Variants in PTPRN2 observed in about 807,000 individuals in gnomAD.
The protein encoded by PTPRN2 is protein tyrosine phosphatase receptor type N2, also known as receptor-type tyrosine-protein phosphatase N2.
Under a neutral mutation model 118.8 loss-of-function variants are expected in PTPRN2, and 74 were observed. That is an observed-to-expected ratio of 0.62 (90% CI 0.52 to 0.76). The LOEUF is 0.76. Among genes scored for constraint, PTPRN2 ranks in the 30% least tolerant of loss-of-function variants. The probability of loss-of-function intolerance (pLI) is 0.00; values close to 1 mark genes in which losing one functional copy is unlikely to be tolerated. For synonymous variants in PTPRN2, 641 were observed against 608.0 expected, an observed-to-expected ratio of 1.05 and a Z score of -0.80; for missense variants, 1,481 against 1,394.4, an observed-to-expected ratio of 1.06 and a Z score of -0.99.
At chr7:157,716,041 C>G (rs1798885906) in intron 12 of PTPRN2, among the ~76,000 whole-genome samples, 1 of 152,258 alleles carries the variant, frequency 6.6e-6, no homozygotes, top group Non-Finnish European at 1.5e-5. Context: ...GGAACCAAAA[C>G]CTTTGAGAAG....
At chr7:158,241,902 G>C (rs1042541828) in intron 3 of PTPRN2, among the ~76,000 whole-genome samples, 2 of 152,170 alleles carry the variant, frequency 1.3e-5, no homozygotes, top group African/African-American at 4.8e-5. Context: ...GGAGACCACA[G>C]CTCTACCAAA....
At chr7:158,548,010 C>T (rs1826410390) in intron 1 of PTPRN2, among the ~76,000 whole-genome samples, 1 of 152,250 alleles carries the variant, frequency 6.6e-6, no homozygotes, top group African/African-American at 2.4e-5. Context: ...GATCCCGGGG[C>T]TGTGCCATCC....
At chr7:157,847,101 C>T (rs1584855731) in intron 12 of PTPRN2, among the ~76,000 whole-genome samples, 2 of 143,268 alleles carry the variant, frequency 1.4e-5, no homozygotes, top group African/African-American at 5.3e-5. Context: ...CCCTCTCTGA[C>T]TCCATCATGT....
chr7:157,728,420 C>A (rs930263261), intron 12 of PTPRN2, among the ~76,000 whole-genome samples: 18 of 152,252 alleles, frequency 1.2e-4, no homozygotes, highest in Admixed American at 2.6e-4. Context: ...CTCCTGGCGC[C>A]CATGGCGGCT....
At chr7:158,206,074 A>G (rs1319008975) in intron 3 of PTPRN2, among the ~76,000 whole-genome samples, 1 of 152,184 alleles carries the variant, frequency 6.6e-6, no homozygotes, top group East Asian at 1.9e-4. Context: ...TGGGGTGCAG[A>G]CAACCTAGTA....
At chr7:157,646,858 A>G (rs1638023) in intron 14 of PTPRN2, among the ~76,000 whole-genome samples, 127,239 of 150,772 alleles carry the variant, frequency 0.84, 53,907 homozygotes, top group Admixed American at 0.9. Context: ...CACCGAACTC[A>G]GTGGGTCGGA....
At chr7:157,902,386 C>T (rs948641365) in intron 11 of PTPRN2, among the ~76,000 whole-genome samples, 4 of 145,298 alleles carry the variant, frequency 2.8e-5, no homozygotes, top group Non-Finnish European at 4.5e-5. Flanking sequence ...TCAACCTCAC[C>T]GTGGCCTCAA....
intron 6 of PTPRN2, among the ~76,000 whole-genome samples, chr7:158,149,333 C>G (rs1361167936): frequency 6.6e-6 from 1 of 152,038 alleles, no homozygotes; most frequent in African/African-American, 2.4e-5. Context: ...TATATTTAAC[C>G]CCTGGAAATT....
chr7:158,216,336 T>C (rs1001533177), intron 3 of PTPRN2, among the ~76,000 whole-genome samples: 1 of 151,324 alleles, frequency 6.6e-6, no homozygotes, highest in African/African-American at 2.4e-5. Context: ...AAGTAGAAAA[T>C]ACAAAATTAA....
intron 12 of PTPRN2, among the ~76,000 whole-genome samples, chr7:157,716,997 C>T (rs1280381412): frequency 2.8e-5 from 3 of 105,844 alleles, no homozygotes; most frequent in Admixed American, 9.0e-5. Flanking sequence ...TGCCTGGCCA[C>T]GTAGACTCTG....
At chr7:158,021,493 G>A (rs971786409) in intron 11 of PTPRN2, among the ~76,000 whole-genome samples, 1 of 152,024 alleles carries the variant, frequency 6.6e-6, no homozygotes, top group East Asian at 1.9e-4. Flanking sequence ...CACACACAGA[G>A]GATATCATTT....
At chr7:158,344,147 G>A (rs577439334) in intron 2 of PTPRN2, among the ~76,000 whole-genome samples, 7 of 152,196 alleles carry the variant, frequency 4.6e-5, no homozygotes, top group Admixed American at 2.6e-4. Flanking sequence ...CTTAGAAGCC[G>A]TGACAACGAG....
At chr7:158,056,152 G>C (rs1051750413) in intron 11 of PTPRN2, among the ~76,000 whole-genome samples, 1 of 152,202 alleles carries the variant, frequency 6.6e-6, no homozygotes, top group African/African-American at 2.4e-5. Flanking sequence ...TCCTGCCTTC[G>C]TATTGGCCTT....
intron 11 of PTPRN2, among the ~76,000 whole-genome samples, chr7:158,063,536 A>G (rs952253582): frequency 2.0e-5 from 3 of 152,228 alleles, no homozygotes; most frequent in Non-Finnish European, 4.4e-5. Context: ...CCCCTTTCAC[A>G]TTGTGGAAGC....
chr7:158,443,703 G>A (rs1817528282), intron 2 of PTPRN2, among the ~76,000 whole-genome samples: 1 of 152,180 alleles, frequency 6.6e-6, no homozygotes. Context: ...CCTACCAGGG[G>A]TGCCCATGAG....
At chr7:158,429,464 T>C (rs1250614172) in intron 2 of PTPRN2, among the ~76,000 whole-genome samples, 2 of 152,238 alleles carry the variant, frequency 1.3e-5, no homozygotes, top group East Asian at 3.9e-4. Context: ...CTCTGCCTCG[T>C]TCCCACGGAC....
chr7:158,343,007 C>G (rs1432255639), intron 2 of PTPRN2, among the ~76,000 whole-genome samples: 3 of 152,164 alleles, frequency 2.0e-5, no homozygotes, highest in Non-Finnish European at 4.4e-5. Context: ...TGAGATTGCG[C>G]CATTGCACTC....
At chr7:157,616,587 G>C (rs957732422) in intron 15 of PTPRN2, 3 of 152,210 alleles carry the variant, frequency 2.0e-5, no homozygotes, top group Non-Finnish European at 1.5e-5. Flanking sequence ...TCCTAGGGCA[G>C]AGTCGGCTGG....
chr7:157,630,004 T>A (rs796800217), intron 14 of PTPRN2, among the ~76,000 whole-genome samples: 61 of 152,310 alleles, frequency 4.0e-4, no homozygotes, highest in African/African-American at 1.4e-3. Context: ...ATAAACACAG[T>A]CACCTGTCTT....
Sources: allele counts gnomAD v4.1 joint callset (sites outside exome capture counted in the v4.1 genomes callset), GRCh38; gene constraint gnomAD v4.1.1; transcripts MANE v1.5; gene names NCBI Gene and HGNC (gene_info 2026-07-23, HGNC 2026-07-21).